Variants in KANSL3 observed in about 807,000 individuals in gnomAD.
KANSL3 encodes KAT8 regulatory NSL complex subunit 3, also known as NSL complex protein NSL3.
Under a neutral mutation model 89.2 loss-of-function variants are expected in KANSL3, and 16 were observed. The ratio of observed to expected loss-of-function variants is 0.18; its 90% CI spans 0.12 to 0.27. The LOEUF (loss-of-function observed/expected upper bound fraction) is 0.27. Ranked by LOEUF, KANSL3 falls within the 10% of genes least tolerant of loss-of-function variation. The pLI, the probability that KANSL3 is intolerant of heterozygous loss-of-function variation, is 1.00. For synonymous variants in KANSL3, 385 were observed against 419.7 expected (o/e 0.92, Z 1.01); for missense variants, 879 against 1,110.6 (o/e 0.79, Z 2.96).
intron 1 of KANSL3, among the ~76,000 whole-genome samples, chr2:96,637,704 A>T (rs1021983440): frequency 1.3e-5 from 2 of 152,224 alleles, no homozygotes; most frequent in Non-Finnish European, 2.9e-5. Context: ...CACTTCTTCA[A>T]GCCTCTCGTA....
In KANSL3 at chr2:96,637,190, AG is replaced by A; in HGVS notation, c.-50-6del. ...GGGTATCTGCATGCTAGTCACCTGC[AG>A]TGAAAAGTTTCAGTTTAGGTCAATT... On this transcript the variant is annotated splice_polypyrimidine_tract_variant and splice_region_variant and intron_variant, in intron 1 of 20. Coordinates refer to ENST00000431828, the MANE Select transcript of KANSL3 (RefSeq NM_001115016.3). The A allele has an allele frequency of 8.4e-7, 1 of 1,195,512 alleles. No individual in the cohort carries two copies. Among genetic ancestry groups the A allele is most frequent in the Non-Finnish European group, 1.2e-6 (1 of 838,164 alleles). 74.1% of individuals were successfully genotyped at this position (1,195,512 alleles called of 1,614,324 possible). A position where few individuals can be genotyped will look rare whatever the true frequency, so the allele number is the denominator to read the frequency against.
chr2:96,619,560 G>A lies in KANSL3; in HGVS notation c.478-16C>T. 6.2e-7 allele frequency: 1 copy of A among 1,611,688 alleles called. No individual in the cohort carries two copies. Among genetic ancestry groups the A allele is most frequent in the Non-Finnish European group, 8.5e-7 (1 of 1,177,980 alleles). On this transcript the variant is annotated splice_polypyrimidine_tract_variant and intron_variant, in intron 4 of 20. Transcript: ENST00000431828. ...CATTACAAGCCTGAAGGATGTAAGT[G>A]GAAGTAATAAAACATGAGGACTACC...
intron 3 of KANSL3, among the ~76,000 whole-genome samples, chr2:96,629,391 C>T (rs1436230291): frequency 6.6e-6 from 1 of 152,104 alleles, no homozygotes; most frequent in Non-Finnish European, 1.5e-5. Context: ...GGCACGATCT[C>T]GGCTCACCAC....
At chr2:96,591,807 AG>A (rs2066279866), downstream of KANSL3, among the ~76,000 whole-genome samples, 2 of 152,124 alleles carry the variant, frequency 1.3e-5, no homozygotes, top group Admixed American at 1.3e-4. Context: ...CTGTGACAAT[AG>A]GATCAAAACT....
intron 3 of KANSL3, among the ~76,000 whole-genome samples, chr2:96,630,506 T>C (rs1468156753): frequency 6.6e-6 from 1 of 152,224 alleles, no homozygotes; most frequent in Non-Finnish European, 1.5e-5. Flanking sequence ...TAGTGCTTCC[T>C]AGGGACCAGA....
At position 96,605,675 on chromosome 2, in the gene KANSL3, C is replaced by T. The variant is rs923025537; in HGVS notation, c.1742-164G>A. 4.7e-5 allele frequency: 26 copies of T among 557,486 alleles called. No individual in the cohort carries two copies. In the South Asian group the frequency reaches 6.1e-4, roughly 13 times the overall value. The allele number at this position is 557,486 out of a possible 1,614,324, so 34.5% of individuals were successfully genotyped here. The stretch of plus-strand genomic sequence containing the variant: ...AAAGGAGACTGCCCATGCTTCAGGA[C>T]CACTTCACTCAGGCCCTGTCCGTGG... On this transcript the variant is annotated intron_variant, in intron 14 of 20. Transcript: ENST00000431828.
chr2:96,593,608 AG>A lies in KANSL3; in HGVS notation c.*2002del. 3.5e-6 allele frequency: 1 copy of A among 287,936 alleles called. No homozygotes were observed. Among genetic ancestry groups the A allele is most frequent in the South Asian group, 3.5e-5 (1 of 28,502 alleles). The allele number at this position is 287,936 out of a possible 1,614,324, so 17.8% of individuals were successfully genotyped here. ...AGTTGTGGAGTTCTTCAAGGTGGAC[AG>A]ATCACACCTCAGGAAGTCATCCCTT... On this transcript the variant is annotated 3_prime_UTR_variant, in exon 21 of 21. Transcript: ENST00000431828.
intron 16 of KANSL3, 49 bp downstream of exon 16, chr2:96,604,730 G>C: frequency 1.4e-6 from 2 of 1,476,484 alleles, no homozygotes; most frequent in East Asian, 2.4e-5. Context: ...ACCAGAAACA[G>C]AGGGAAGGGA....
chr2:96,601,586 G>A (rs1250629783), intron 20 of KANSL3, 57 bp downstream of exon 20: 6 of 1,581,322 alleles, frequency 3.8e-6, no homozygotes, highest in Non-Finnish European at 4.3e-6. Flanking sequence ...CCAGTCAGCT[G>A]GTCTTAAACT....
In KANSL3 at chr2:96,619,494, C is replaced by A; in HGVS notation, c.528G>T (p.Arg176Ser). The A allele has an allele frequency of 6.2e-7, 1 of 1,614,070 alleles. No homozygotes were observed. Among genetic ancestry groups the A allele is most frequent in the Non-Finnish European group, 8.5e-7 (1 of 1,179,904 alleles). ...CACTTGCCAGAGCCTGCCGCACTCT[C>A]CTTGCACACTTGTCCACAGCAACAC... ...LRRVAVDKCA[R>S]RVRQALASVS... The change falls in exon 5 of 21, where the codon AGG becomes AGT. Residue 176 changes from arginine to serine, a missense_variant. Arg to Ser is a moderately radical substitution (Grantham distance 110). Coordinates refer to ENST00000431828, the MANE Select transcript of KANSL3 (RefSeq NM_001115016.3).
At position 96,595,514 on chromosome 2, in the gene KANSL3, G is replaced by C. The variant is rs1039000305; in HGVS notation, c.*97C>G. 4 of 1,353,922 alleles carry C rather than the reference G, an allele frequency of 3.0e-6. No homozygotes were observed. The highest frequency in any genetic ancestry group is 1.3e-5 in the South Asian group (1 of 79,090). 83.9% of individuals were successfully genotyped at this position (1,353,922 alleles called of 1,614,324 possible). A position where few individuals can be genotyped will look rare whatever the true frequency, so the allele number is the denominator to read the frequency against. On this transcript the variant is annotated 3_prime_UTR_variant, in exon 21 of 21. Coordinates refer to ENST00000431828, the MANE Select transcript of KANSL3 (RefSeq NM_001115016.3). ...AATGACTGTCTTAAACAGGTCTTCC[G>C]ACACGTGGACAGCTCAGCAGGACCA...
At chr2:96,632,246 T>C (rs562971161) in intron 2 of KANSL3, among the ~76,000 whole-genome samples, 8 of 152,022 alleles carry the variant, frequency 5.3e-5, no homozygotes, top group African/African-American at 9.7e-5. Flanking sequence ...TGAAGGAGGA[T>C]TGTTTAAGCC....
At position 96,633,795 on chromosome 2, in the gene KANSL3, G is replaced by A. The variant is rs146041097; in HGVS notation, c.216-2313C>T. 3.6e-3 allele frequency among the ~76,000 whole-genome samples: 549 copies of A among 151,244 alleles called. 2 individuals carry two copies. The highest frequency in any genetic ancestry group is 0.013 in the African/African-American group (519 of 41,176). ...CAGGAGAATTGCTTGAATCCGGGAG[G>A]CGGAGGTTACCATGAGCCAAGATTG... On this transcript the variant is annotated intron_variant, in intron 2 of 20. Coordinates refer to ENST00000431828, the MANE Select transcript of KANSL3 (RefSeq NM_001115016.3).
At chr2:96,625,901 A>C (rs909926011) in intron 3 of KANSL3, among the ~76,000 whole-genome samples, 5 of 152,256 alleles carry the variant, frequency 3.3e-5, no homozygotes, top group Non-Finnish European at 1.5e-5. Context: ...AGAATTTTAA[A>C]TACAAGCCTA....
chr2:96,613,954 A>T (rs960953424), intron 5 of KANSL3, among the ~76,000 whole-genome samples: 8 of 152,230 alleles, frequency 5.3e-5, no homozygotes, highest in Non-Finnish European at 1.2e-4. Context: ...AAGGATGGGG[A>T]CAATTATGCA....
chr2:96,590,603 A>C (rs1250505606), downstream of KANSL3, among the ~76,000 whole-genome samples: 2 of 141,500 alleles, frequency 1.4e-5, no homozygotes, highest in Non-Finnish European at 3.1e-5. Context: ...GTTTCCTAAA[A>C]AATTAAAAAC....
rs1300980920 is a variant in KANSL3 at position 96,593,801 on chromosome 2, C to G, written c.*1810G>C. 1 of 155,570 alleles carries G rather than the reference C, an allele frequency of 6.4e-6. No homozygotes were observed. The highest frequency in any genetic ancestry group is 1.4e-5 in the Non-Finnish European group (1 of 70,010). The allele number at this position is 155,570 out of a possible 1,614,324, so 9.6% of individuals were successfully genotyped here. ...ATAGCTCATATAGTCTTATTGTCCA[C>G]TGCTCTTTTGGTGTGGTATGATCCT... On this transcript the variant is annotated 3_prime_UTR_variant, in exon 21 of 21. Transcript: ENST00000431828.
chr2:96,619,265 C>A, intron 5 of KANSL3, 94 bp downstream of exon 5: 2 of 1,225,620 alleles, frequency 1.6e-6, no homozygotes, highest in Admixed American at 2.5e-5. Context: ...CACTCCAGAC[C>A]GACCAGATAA....
rs537939936 is a variant in KANSL3, at chr2:96,602,698, GC to G, written c.2259+54del. The G allele has an allele frequency of 1.9e-4, 277 of 1,421,192 alleles. 4 individuals carry two copies. In the South Asian group the frequency reaches 3.6e-3, roughly 19 times the overall value. 88.0% of individuals were successfully genotyped at this position (1,421,192 alleles called of 1,614,324 possible). On this transcript the variant is annotated intron_variant, in intron 18 of 20. Coordinates refer to ENST00000431828, the MANE Select transcript of KANSL3 (RefSeq NM_001115016.3). ...TAGTTTCCCTGCCAAAACCAACTAA[GC>G]TGAGGAGGCCTCCTCCCTACACCTG...
Sources: allele counts gnomAD v4.1 joint callset (sites outside exome capture counted in the v4.1 genomes callset), GRCh38; gene constraint gnomAD v4.1.1; transcripts MANE v1.5; gene names NCBI Gene and HGNC (gene_info 2026-07-23, HGNC 2026-07-21).